GREM2: variants seen among roughly 807,000 people sequenced by gnomAD.
The protein encoded by GREM2 is gremlin-2.
In GREM2, 11 loss-of-function variants were observed where a neutral mutation model predicts 14.2. That is an observed-to-expected ratio of 0.78 (90% confidence interval 0.49 to 1.28). GREM2 has a LOEUF of 1.28. Among genes scored for constraint, GREM2 ranks in the 50% most tolerant of loss-of-function variants. The pLI, the probability that GREM2 is intolerant of heterozygous loss-of-function variation, is 0.00. For synonymous variants in GREM2, 98 were observed against 97.6 expected (o/e 1.00, Z -0.02); for missense variants, 210 against 218.5 (o/e 0.96, Z 0.24).
At chr1:240,566,238 G>A (rs1295093448) in intron 1 of GREM2, among the ~76,000 whole-genome samples, 1 of 152,164 alleles carries the variant, frequency 6.6e-6, no homozygotes, top group Admixed American at 6.6e-5. Flanking sequence ...GTGGAGTAAA[G>A]GGACTTAATT....
chr1:240,528,657 G>A (rs1375188055), intron 1 of GREM2, among the ~76,000 whole-genome samples: 1 of 152,154 alleles, frequency 6.6e-6, no homozygotes, highest in Non-Finnish European at 1.5e-5. Context: ...GAGTGGCTGA[G>A]ACGAATCTGC....
intron 1 of GREM2, among the ~76,000 whole-genome samples, chr1:240,576,504 G>A (rs1263469628): frequency 6.6e-6 from 1 of 152,024 alleles, no homozygotes; most frequent in Non-Finnish European, 1.5e-5. Flanking sequence ...GTTTGGTTTC[G>A]TTTCGTTACA....
At chr1:240,570,181 CA>C in intron 1 of GREM2, among the ~76,000 whole-genome samples, 1 of 152,176 alleles carries the variant, frequency 6.6e-6, no homozygotes, top group Non-Finnish European at 1.5e-5. Context: ...ACTAAATTAA[CA>C]GATGGGTGCA....
At chr1:240,607,136 A>C (rs774506248) in intron 1 of GREM2, among the ~76,000 whole-genome samples, 10 of 152,302 alleles carry the variant, frequency 6.6e-5, no homozygotes, top group Admixed American at 4.6e-4. Context: ...ATCATTCTTT[A>C]ACTAACAACT....
rs34183651 is a variant in GREM2 at position 240,545,278 on chromosome 1, T to C, written c.-1-51802A>G. ...CCTCCGCAAAACCCCCCAAAAGGGG[T>C]TCTGAGGGCTTTCGGATAGTTGGAC... On this transcript the variant is annotated intron_variant, in intron 1 of 1. Transcript: ENST00000318160. Among the ~76,000 whole-genome samples the C allele has an allele frequency of 1.0e-3, 159 of 152,274 alleles. 1 individual carries two copies. Among genetic ancestry groups the C allele is most frequent in the South Asian group, 2.1e-3 (10 of 4,822 alleles).
chr1:240,582,322 C>A (rs1262140487), intron 1 of GREM2, among the ~76,000 whole-genome samples: 1 of 152,028 alleles, frequency 6.6e-6, no homozygotes, highest in Non-Finnish European at 1.5e-5. Flanking sequence ...GTAAACCCAA[C>A]TATTCGGGAG....
rs1160172169 is a variant in GREM2 at position 240,593,155 on chromosome 1, A to AAAAAT, written c.-2+18724_-2+18728dup. ...GTGAAACTCCATCTCAAGAAAAGAA[A>AAAAAT]AAAATAAAATAAAATAAAATAAAGT... On this transcript the variant is annotated intron_variant, in intron 1 of 1. Coordinates refer to ENST00000318160, the MANE Select transcript of GREM2 (RefSeq NM_022469.4). Among the ~76,000 whole-genome samples the AAAAAT allele has an allele frequency of 1.1e-3, 163 of 152,140 alleles. 1 individual carries two copies. Among genetic ancestry groups the AAAAAT allele is most frequent in the African/African-American group, 3.3e-3 (137 of 41,458 alleles).
At chr1:240,541,620 G>A (rs1205810473) in intron 1 of GREM2, among the ~76,000 whole-genome samples, 1 of 151,038 alleles carries the variant, frequency 6.6e-6, no homozygotes, top group Non-Finnish European at 1.5e-5. Context: ...ACTCTCAGTG[G>A]GCCAAAAATT....
chr1:240,494,762 G>A (rs1213755943), intron 1 of GREM2, among the ~76,000 whole-genome samples: 4 of 152,064 alleles, frequency 2.6e-5, no homozygotes, highest in South Asian at 4.1e-4. Context: ...TTAGCCAGGC[G>A]TGGTGGCGGG....
At chr1:240,536,472 A>G (rs1259270281) in intron 1 of GREM2, among the ~76,000 whole-genome samples, 1 of 152,250 alleles carries the variant, frequency 6.6e-6, no homozygotes, top group Non-Finnish European at 1.5e-5. Flanking sequence ...AGCAGTTGCT[A>G]TTCATACCTG....
intron 1 of GREM2, among the ~76,000 whole-genome samples, chr1:240,594,441 C>T (rs1427591327): frequency 6.6e-6 from 1 of 152,018 alleles, no homozygotes; most frequent in Non-Finnish European, 1.5e-5. Flanking sequence ...GGAAATAAAC[C>T]AGGAAAGAAT....
At chr1:240,509,265 GGT>G (rs1677746625) in intron 1 of GREM2, among the ~76,000 whole-genome samples, 1 of 152,098 alleles carries the variant, frequency 6.6e-6, no homozygotes, top group Non-Finnish European at 1.5e-5. Flanking sequence ...CAGTGGACAG[GGT>G]GTGAACCAGG....
intron 1 of GREM2, among the ~76,000 whole-genome samples, chr1:240,533,327 C>T (rs76242098): frequency 0.03 from 4,505 of 152,186 alleles, 114 homozygotes; most frequent in African/African-American, 0.054. Flanking sequence ...ATCAGTTTAG[C>T]GGTCTGTGAG....
intron 1 of GREM2, among the ~76,000 whole-genome samples, chr1:240,522,120 C>CAA (rs34438696): frequency 0.16 from 11,445 of 70,498 alleles, 593 homozygotes; most frequent in Middle Eastern, 0.27. Flanking sequence ...ACCCTGTCTC[C>CAA]AAAAAAAAAA....
intron 1 of GREM2, among the ~76,000 whole-genome samples, chr1:240,524,100 T>C (rs886284342): frequency 1.3e-5 from 2 of 152,236 alleles, no homozygotes; most frequent in African/African-American, 4.8e-5. Context: ...CACTGCAACC[T>C]CAAACTTGTG....
intron 1 of GREM2, among the ~76,000 whole-genome samples, chr1:240,578,286 T>C (rs1037496439): frequency 6.6e-6 from 1 of 151,944 alleles, no homozygotes; most frequent in Admixed American, 6.5e-5. Flanking sequence ...CCACCATGCC[T>C]GGCTACTTTT....
At chr1:240,520,589 C>T (rs1465674305) in intron 1 of GREM2, among the ~76,000 whole-genome samples, 2 of 152,026 alleles carry the variant, frequency 1.3e-5, no homozygotes, top group East Asian at 3.9e-4. Flanking sequence ...ATTGCCCAGG[C>T]TGGAGTACAG....
chr1:240,592,515 G>A (rs1053016928), intron 1 of GREM2, among the ~76,000 whole-genome samples: 3 of 152,266 alleles, frequency 2.0e-5, no homozygotes, highest in African/African-American at 7.2e-5. Context: ...AATAAGGTTT[G>A]CTGAAGTCTT....
At chr1:240,499,139 C>T (rs1399436080) in intron 1 of GREM2, among the ~76,000 whole-genome samples, 2 of 152,226 alleles carry the variant, frequency 1.3e-5, no homozygotes, top group Non-Finnish European at 2.9e-5. Context: ...GGTTCTACAA[C>T]AGGAGCTTGA....
Sources: gnomAD v4.1 joint callset for allele counts (sites outside exome capture counted in the v4.1 genomes callset) on GRCh38, gnomAD v4.1.1 for gene constraint, MANE v1.5 for transcripts, NCBI Gene and HGNC (gene_info 2026-07-23, HGNC 2026-07-21) for gene names.